The following GRID2 variants were observed in gnomAD, a reference collection of about 807,000 sequenced individuals.
GRID2 encodes glutamate receptor ionotropic, delta-2.
A neutral mutation model predicts 114.8 loss-of-function variants in GRID2; 33 were observed. The observed-to-expected ratio is 0.29, with a 90% CI of 0.22 to 0.38. The LOEUF is 0.38. Ranked by LOEUF, GRID2 falls within the 10% of genes least tolerant of loss-of-function variation. The pLI is 1.00. For synonymous variants in GRID2, 505 were observed against 449.9 expected (o/e 1.12, Z -1.55); for missense variants, 1,184 against 1,257.7 (o/e 0.94, Z 0.89).
At chr4:92,827,944 A>T (rs1490047995) in intron 2 of GRID2, among the ~76,000 whole-genome samples, 1 of 152,038 alleles carries the variant, frequency 6.6e-6, no homozygotes, top group Non-Finnish European at 1.5e-5. Context: ...AGTTAACTTG[A>T]TAGTTAATGT....
chr4:93,511,288 T>A (rs574018351), intron 12 of GRID2, among the ~76,000 whole-genome samples: 21 of 152,258 alleles, frequency 1.4e-4, no homozygotes, highest in African/African-American at 4.3e-4. Flanking sequence ...TTGAAAGAAT[T>A]TTACAGAAAC....
At chr4:93,310,936 C>A (rs1431395387) in intron 8 of GRID2, among the ~76,000 whole-genome samples, 1 of 152,134 alleles carries the variant, frequency 6.6e-6, no homozygotes, top group Non-Finnish European at 1.5e-5. Flanking sequence ...CTGGAACAAA[C>A]AAGACAACTG....
At chr4:93,286,106 G>A (rs1753128002) in intron 8 of GRID2, among the ~76,000 whole-genome samples, 1 of 152,020 alleles carries the variant, frequency 6.6e-6, no homozygotes, top group Non-Finnish European at 1.5e-5. Flanking sequence ...TTGATTTTAT[G>A]TAAACTATTT....
chr4:93,432,512 A>G (rs1015599053), intron 10 of GRID2, among the ~76,000 whole-genome samples: 1 of 152,210 alleles, frequency 6.6e-6, no homozygotes, highest in South Asian at 2.1e-4. Flanking sequence ...CTGAAATACG[A>G]AAGTTCTAGA....
chr4:92,979,440 G>C (rs533765858), intron 2 of GRID2, among the ~76,000 whole-genome samples: 88 of 152,014 alleles, frequency 5.8e-4, no homozygotes, highest in African/African-American at 2.0e-3. Context: ...TCAGTGTATT[G>C]GTAGGCATGT....
At chr4:92,467,818 A>G (rs1277923812) in intron 1 of GRID2, among the ~76,000 whole-genome samples, 2 of 152,086 alleles carry the variant, frequency 1.3e-5, no homozygotes, top group African/African-American at 4.8e-5. Flanking sequence ...AAGAGGGGAT[A>G]TAGAAAATTG....
At chr4:92,764,180 C>T (rs544363200) in intron 2 of GRID2, among the ~76,000 whole-genome samples, 4 of 152,112 alleles carry the variant, frequency 2.6e-5, no homozygotes, top group Non-Finnish European at 5.9e-5. Flanking sequence ...ACACCACTGG[C>T]GAGAATTCAG....
At chr4:92,887,914 T>C (rs1439153903) in intron 2 of GRID2, among the ~76,000 whole-genome samples, 1 of 152,252 alleles carries the variant, frequency 6.6e-6, no homozygotes, top group Non-Finnish European at 1.5e-5. Flanking sequence ...CTCTCGCTAA[T>C]AATAGCTTCT....
intron 2 of GRID2, among the ~76,000 whole-genome samples, chr4:92,849,399 T>G (rs1291431845): frequency 1.3e-5 from 2 of 151,866 alleles, no homozygotes; most frequent in African/African-American, 2.4e-5. Flanking sequence ...TGCACTCTAT[T>G]TCTAAGGAAG....
chr4:92,704,033 T>C (rs372015685), intron 2 of GRID2, among the ~76,000 whole-genome samples: 1 of 152,130 alleles, frequency 6.6e-6, no homozygotes, highest in South Asian at 2.1e-4. Context: ...TCCCAGCACT[T>C]TTGGAGGCCA....
chr4:93,014,966 A>G (rs1245949622), intron 2 of GRID2, among the ~76,000 whole-genome samples: 1 of 152,134 alleles, frequency 6.6e-6, no homozygotes, highest in Non-Finnish European at 1.5e-5. Flanking sequence ...AAAGATGGTG[A>G]GTGATATTCT....
At position 92,783,073 on chromosome 4, in the gene GRID2, A is replaced by G. The variant is rs140369719; in HGVS notation, c.244+192787A>G. Among the ~76,000 whole-genome samples, 1,014 of 152,214 alleles carry G rather than the reference A, an allele frequency of 6.7e-3. 11 individuals are homozygous for G. Among genetic ancestry groups the G allele is most frequent in the African/African-American group, 0.022 (908 of 41,548 alleles). ...CCAATTGAGTTAATACATTATTATTAAAATTATTCATATATCATGATTTTA... is the reference window on the plus strand; with the variant it reads ...CCAATTGAGTTAATACATTATTATTGAAATTATTCATATATCATGATTTTA... On this transcript the variant is annotated intron_variant, in intron 2 of 15. Coordinates refer to ENST00000282020, the MANE Select transcript of GRID2 (RefSeq NM_001510.4).
intron 14 of GRID2, among the ~76,000 whole-genome samples, chr4:93,760,585 C>T (rs1222558820): frequency 2.6e-5 from 4 of 152,202 alleles, no homozygotes; most frequent in Admixed American, 2.0e-4. Context: ...GACCACTTCA[C>T]CTCACCGGCA....
chr4:92,679,875 C>T (rs970269511), intron 2 of GRID2, among the ~76,000 whole-genome samples: 10 of 150,920 alleles, frequency 6.6e-5, no homozygotes, highest in South Asian at 2.1e-4. Flanking sequence ...TCTTCTGATA[C>T]GTAATTGCAA....
chr4:92,951,691 G>C (rs1345413593), intron 2 of GRID2, among the ~76,000 whole-genome samples: 1 of 152,028 alleles, frequency 6.6e-6, no homozygotes, highest in Non-Finnish European at 1.5e-5. Context: ...ATAAATTCAT[G>C]CCAAGCCATT....
chr4:92,929,653 G>C (rs1379494599), intron 2 of GRID2, among the ~76,000 whole-genome samples: 1 of 151,106 alleles, frequency 6.6e-6, no homozygotes, highest in African/African-American at 2.4e-5. Context: ...GATTTTGAGG[G>C]CATTGATAGT....
chr4:93,022,699 C>T (rs980688751), intron 2 of GRID2, among the ~76,000 whole-genome samples: 25 of 151,944 alleles, frequency 1.6e-4, no homozygotes, highest in African/African-American at 6.0e-4. Context: ...TATTAATCTA[C>T]CTTTCTTTAA....
chr4:92,844,814 C>T (rs1743184175), intron 2 of GRID2, among the ~76,000 whole-genome samples: 1 of 151,958 alleles, frequency 6.6e-6, no homozygotes, highest in South Asian at 2.1e-4. Flanking sequence ...GCCTCCTTCT[C>T]ATTTTGTCAC....
intron 14 of GRID2, among the ~76,000 whole-genome samples, chr4:93,758,140 A>T (rs567968806): frequency 6.6e-6 from 1 of 152,206 alleles, no homozygotes; most frequent in Non-Finnish European, 1.5e-5. Flanking sequence ...CTACTAAAAA[A>T]AGAAAATTGA....
Sources: gnomAD v4.1 joint callset for allele counts (sites outside exome capture counted in the v4.1 genomes callset) on GRCh38, gnomAD v4.1.1 for gene constraint, MANE v1.5 for transcripts, NCBI Gene and HGNC (gene_info 2026-07-23, HGNC 2026-07-21) for gene names.